SEC23A: variants seen among roughly 807,000 people sequenced by gnomAD.
SEC23A encodes the protein SEC23 homolog A, COPII component.
A neutral mutation model predicts 103.7 loss-of-function variants in SEC23A; 56 were observed. The observed-to-expected ratio is 0.54, with a 90% CI of 0.44 to 0.67. The LOEUF is 0.67. SEC23A is among the 30% of genes least tolerant of loss of function. The pLI, the probability that SEC23A is intolerant of heterozygous loss-of-function variation, is 0.00. For synonymous variants in SEC23A, 281 were observed against 293.0 expected, an observed-to-expected ratio of 0.96 and a Z score of 0.42; for missense variants, 784 against 936.4, an observed-to-expected ratio of 0.84 and a Z score of 2.12.
chr14:39,052,373 A>C (rs1002579994), intron 14 of SEC23A, among the ~76,000 whole-genome samples: 1 of 152,242 alleles, frequency 6.6e-6, no homozygotes, highest in Non-Finnish European at 1.5e-5. Flanking sequence ...GATATAAAAG[A>C]GAACAATTCT....
intron 14 of SEC23A, 59 bp from the exon 15 acceptor site, chr14:39,048,788 C>T: frequency 2.2e-6 from 2 of 890,698 alleles, no homozygotes; most frequent in Non-Finnish European, 1.8e-6. Flanking sequence ...AACACTGTTG[C>T]CTATAAATAT....
rs780036971 is a variant in SEC23A at position 39,092,634 on chromosome 14, A to G, written c.280-7T>C. On this transcript the variant is annotated splice_region_variant and splice_polypyrimidine_tract_variant and intron_variant, in intron 3 of 19. Transcript: ENST00000307712. ...CAGCATAACTAGGTGGAAACTACAA[A>G]TAGAAAACAAACAAAAATTTTTAAC... The G allele has an allele frequency of 6.3e-7, 1 of 1,583,932 alleles. No individual in the cohort carries two copies. The highest frequency in any genetic ancestry group is 1.1e-5 in the South Asian group (1 of 88,174).
chr14:39,095,013 G>A (rs760294269), intron 2 of SEC23A: 3 of 700,054 alleles, frequency 4.3e-6, no homozygotes, highest in Admixed American at 4.1e-5. Flanking sequence ...GTAGAGAACA[G>A]ACTGCTGAAA....
intron 19 of SEC23A, among the ~76,000 whole-genome samples, chr14:39,038,329 A>C (rs1885525898): frequency 6.6e-6 from 1 of 152,112 alleles, no homozygotes; most frequent in Non-Finnish European, 1.5e-5. Flanking sequence ...GTAATACTTC[A>C]TAGCTTTCTA....
intron 13 of SEC23A, among the ~76,000 whole-genome samples, chr14:39,059,913 T>C (rs559088120): frequency 2.6e-5 from 4 of 152,296 alleles, no homozygotes; most frequent in African/African-American, 7.2e-5. Context: ...TGATCACACA[T>C]TGGCATTAGT....
chr14:39,051,919 A>G (rs1012384216), intron 14 of SEC23A, among the ~76,000 whole-genome samples: 1 of 151,902 alleles, frequency 6.6e-6, no homozygotes, highest in African/African-American at 2.4e-5. Flanking sequence ...GTGAGCCGAG[A>G]TCGTGCCACT....
Position 39,092,608 on chromosome 14 carries a change from C to A in SEC23A, c.299G>T (p.Gly100Val), listed in dbSNP as rs1887699519. 1 of 1,609,290 alleles carries A rather than the reference C, an allele frequency of 6.2e-7. No homozygotes were observed. Among genetic ancestry groups the A allele is most frequent in the Non-Finnish European group, 8.5e-7 (1 of 1,176,790 alleles). ...AGCAGGCTGATTCAGTTCAGATATA[C>A]CAGCATAACTAGGTGGAAACTACAA... ...QRNQFPPSYA[G>V]ISELNQPAEL... Residue 100 changes from glycine (G) to valine (V), a missense_variant, in exon 4 of 20, where the codon GGT (glycine) becomes GTT (valine). This residue lies in a region of SEC23A where 683 missense variants were observed against 774.2 expected (regional missense o/e 0.88). Transcript: ENST00000307712.
intron 13 of SEC23A, among the ~76,000 whole-genome samples, chr14:39,061,218 C>A (rs1886463089): frequency 6.6e-6 from 1 of 152,044 alleles, no homozygotes; most frequent in South Asian, 2.1e-4. Context: ...CCCTTTACCA[C>A]AGACAATGTG....
rs1594484815 is a variant in SEC23A, at chr14:39,093,367, T to C, written c.222-123A>G. 6 of 780,230 alleles carry C rather than the reference T, an allele frequency of 7.7e-6. No homozygotes were observed. In the East Asian group the frequency reaches 1.7e-4, roughly 23 times the overall value. 48.3% of individuals were successfully genotyped at this position (780,230 alleles called of 1,614,324 possible). A position where few individuals can be genotyped will look rare whatever the true frequency, so the allele number is the denominator to read the frequency against. On this transcript the variant is annotated intron_variant, in intron 2 of 19. Transcript: ENST00000307712. ...AACATATTCAAATTGATAGTCAAAG[T>C]AACTTTTAAAAGCCATGTAGTTTTA...
At chr14:39,069,954 T>A (rs1186232680) in intron 9 of SEC23A, among the ~76,000 whole-genome samples, 1 of 152,208 alleles carries the variant, frequency 6.6e-6, no homozygotes, top group African/African-American at 2.4e-5. Context: ...CCCAATGCTA[T>A]CACCATCTGA....
chr14:39,060,612 C>T (rs570382999), intron 13 of SEC23A, among the ~76,000 whole-genome samples: 2 of 152,310 alleles, frequency 1.3e-5, no homozygotes, highest in Admixed American at 6.5e-5. Flanking sequence ...AAAACCTCTT[C>T]CTAACTAAAC....
At chr14:39,045,817 C>T (rs1388883657) in intron 15 of SEC23A, among the ~76,000 whole-genome samples, 1 of 152,196 alleles carries the variant, frequency 6.6e-6, no homozygotes, top group Non-Finnish European at 1.5e-5. Flanking sequence ...TTTTTTATTA[C>T]TACTCATTAC....
intron 1 of SEC23A, among the ~76,000 whole-genome samples, chr14:39,097,782 T>G (rs1226859009): frequency 6.6e-6 from 1 of 152,126 alleles, no homozygotes; most frequent in Admixed American, 6.5e-5. Flanking sequence ...AGACTAAACT[T>G]GTTTAGAAAA....
At chr14:39,088,259 G>A (rs1465448753) in intron 5 of SEC23A, 1 of 151,954 alleles carries the variant, frequency 6.6e-6, no homozygotes, top group East Asian at 1.9e-4. Flanking sequence ...TGTTTCAATG[G>A]AGAAAAAAAA....
chr14:39,065,218 G>A (rs1008418818), intron 10 of SEC23A, among the ~76,000 whole-genome samples: 1 of 151,836 alleles, frequency 6.6e-6, no homozygotes, highest in Non-Finnish European at 1.5e-5. Flanking sequence ...TAGCACATAC[G>A]AGGTCTCCAT....
chr14:39,076,245 G>A, intron 7 of SEC23A, 152 bp from the exon 8 acceptor site: 1 of 747,012 alleles, frequency 1.3e-6, no homozygotes, highest in South Asian at 2.0e-5. Context: ...TAAAAACAAA[G>A]GTATCTGAAC....
intron 7 of SEC23A, among the ~76,000 whole-genome samples, chr14:39,082,321 C>T (rs1887256169): frequency 6.6e-6 from 1 of 151,298 alleles, no homozygotes. Context: ...AAGTAGAAAG[C>T]CAATTAATAA....
At chr14:39,047,826 A>G (rs1341202603) in intron 15 of SEC23A, among the ~76,000 whole-genome samples, 2 of 152,202 alleles carry the variant, frequency 1.3e-5, no homozygotes, top group African/African-American at 2.4e-5. Flanking sequence ...TGCACACAGC[A>G]CTCTAAACAC....
rs1388432625 is a variant in SEC23A at position 39,045,177 on chromosome 14, TAA to T, written c.1883_1884del (p.Phe628Ter). On this transcript the variant is annotated frameshift_variant, in exon 16 of 20. Coordinates refer to ENST00000307712, the MANE Select transcript of SEC23A (RefSeq NM_006364.4). LOFTEE classifies it high-confidence loss of function. ...GTCCCTCTTACCTCTGGTGGTCCACTAAAAGAATACGCATACAGGATAGGCTG... is the reference window on the plus strand; with the variant it reads ...GTCCCTCTTACCTCTGGTGGTCCACTAAGAATACGCATACAGGATAGGCTG... ...MIQPILYAYS[F>X]SGPPEPVLLD... 2 of 1,613,510 alleles carry T rather than the reference TAA, an allele frequency of 1.2e-6. No homozygotes were observed. The highest frequency in any genetic ancestry group is 2.7e-5 in the African/African-American group (2 of 74,898).
Sources: allele counts gnomAD v4.1 joint callset (sites outside exome capture counted in the v4.1 genomes callset), GRCh38; gene constraint gnomAD v4.1.1; regional missense constraint gnomAD v4.1.1; transcripts MANE v1.5; gene names NCBI Gene and HGNC (gene_info 2026-07-23, HGNC 2026-07-21).